The following PDE7B variants were observed in gnomAD, a reference collection of about 807,000 sequenced individuals.
The protein encoded by PDE7B is 3',5'-cyclic-AMP phosphodiesterase 7B.
Under a neutral mutation model 56.2 loss-of-function variants are expected in PDE7B, and 29 were observed. The ratio of observed to expected loss-of-function variants is 0.52; its 90% CI spans 0.38 to 0.70. The LOEUF (loss-of-function observed/expected upper bound fraction) is 0.70. PDE7B is among the 30% of genes least tolerant of loss of function. PDE7B has a pLI of 0.00. For synonymous variants in PDE7B, 197 were observed against 196.9 expected, an observed-to-expected ratio of 1.00 and a Z score of 0.00; for missense variants, 490 against 565.0, an observed-to-expected ratio of 0.87 and a Z score of 1.35.
intron 2 of PDE7B, among the ~76,000 whole-genome samples, chr6:136,102,117 T>C (rs553244308): frequency 6.6e-6 from 1 of 152,272 alleles, no homozygotes; most frequent in South Asian, 2.1e-4. Flanking sequence ...TTATAAGCTC[T>C]CTGTGCTCCT....
chr6:136,018,876 A>G (rs1424437192), intron 2 of PDE7B, among the ~76,000 whole-genome samples: 2 of 152,054 alleles, frequency 1.3e-5, no homozygotes, highest in African/African-American at 4.8e-5. Flanking sequence ...CTGATCTCCT[A>G]AATATGGGCT....
intron 2 of PDE7B, among the ~76,000 whole-genome samples, chr6:136,026,498 C>T (rs1339568855): frequency 6.6e-6 from 1 of 152,188 alleles, no homozygotes; most frequent in Non-Finnish European, 1.5e-5. Context: ...TCTTCCTTTT[C>T]TTCAATTCAT....
At chr6:135,900,597 G>T (rs553370259) in intron 1 of PDE7B, among the ~76,000 whole-genome samples, 1 of 150,216 alleles carries the variant, frequency 6.7e-6, no homozygotes, top group Non-Finnish European at 1.5e-5. Flanking sequence ...TTTCTTTCAC[G>T]TCTTTCTGCT....
intron 1 of PDE7B, among the ~76,000 whole-genome samples, chr6:135,867,482 G>T (rs184134137): frequency 6.6e-6 from 1 of 152,016 alleles, no homozygotes; most frequent in Non-Finnish European, 1.5e-5. Flanking sequence ...TTGTTATGTA[G>T]GGAAACGTGT....
At chr6:136,014,333 AT>A (rs1775940580) in intron 2 of PDE7B, among the ~76,000 whole-genome samples, 1 of 152,192 alleles carries the variant, frequency 6.6e-6, no homozygotes, top group Non-Finnish European at 1.5e-5. Context: ...CTATGAAGAT[AT>A]TTTTTAACAA....
chr6:135,994,173 A>G (rs977675380), intron 2 of PDE7B, among the ~76,000 whole-genome samples: 46 of 147,538 alleles, frequency 3.1e-4, no homozygotes, highest in African/African-American at 1.1e-3. Context: ...TGTTTTATGT[A>G]TATTAAGAAG....
chr6:135,918,278 A>G (rs1286056079), intron 1 of PDE7B, among the ~76,000 whole-genome samples: 1 of 152,092 alleles, frequency 6.6e-6, no homozygotes, highest in Non-Finnish European at 1.5e-5. Context: ...TCTCCTAGGA[A>G]CCATAATTCT....
At chr6:136,100,783 G>T (rs901295426) in intron 2 of PDE7B, among the ~76,000 whole-genome samples, 2 of 152,120 alleles carry the variant, frequency 1.3e-5, no homozygotes, top group Non-Finnish European at 2.9e-5. Flanking sequence ...TGATTGCCCT[G>T]GCCAGAACTT....
intron 3 of PDE7B, among the ~76,000 whole-genome samples, chr6:136,115,905 A>G (rs1401388002): frequency 6.6e-6 from 1 of 152,176 alleles, no homozygotes; most frequent in Admixed American, 6.5e-5. Context: ...TTTTAAGTCA[A>G]CAAGGACCGG....
At chr6:135,997,848 C>T (rs1045147055) in intron 2 of PDE7B, among the ~76,000 whole-genome samples, 4 of 152,236 alleles carry the variant, frequency 2.6e-5, no homozygotes, top group Non-Finnish European at 4.4e-5. Flanking sequence ...TATTAGCAAT[C>T]GCCAGTGGGT....
At chr6:136,155,478 T>A (rs867945985) in intron 7 of PDE7B, 149 bp from the exon 8 acceptor site, 21 of 655,078 alleles carry the variant, frequency 3.2e-5, no homozygotes, top group African/African-American at 2.7e-4. Context: ...CATGTGACTA[T>A]CACCTCATTT....
chr6:135,934,745 T>A (rs1369848281), intron 1 of PDE7B, among the ~76,000 whole-genome samples: 2 of 94,476 alleles, frequency 2.1e-5, no homozygotes, highest in African/African-American at 7.2e-5. Context: ...AAAAAATATA[T>A]ATATATATAT....
rs1775427191 is a variant in PDE7B at position 135,988,891 on chromosome 6, C to T, written c.82+41367C>T. ...TATTACCCAATAAATAGTTGGTAAG[C>T]TTGTTGCAAGGAAACTTAATCTCAA... is the stretch of plus-strand genomic sequence containing the variant. On this transcript the variant is annotated intron_variant, in intron 2 of 12. Coordinates refer to ENST00000308191, the MANE Select transcript of PDE7B (RefSeq NM_018945.4). Among the ~76,000 whole-genome samples the T allele has an allele frequency of 2.0e-5, 3 of 152,126 alleles. No individual in the cohort carries two copies. In the South Asian group the frequency reaches 6.2e-4, roughly 32 times the overall value.
At chr6:135,889,938 A>G (rs1019914000) in intron 1 of PDE7B, among the ~76,000 whole-genome samples, 2 of 148,930 alleles carry the variant, frequency 1.3e-5, no homozygotes, top group Non-Finnish European at 3.0e-5. Flanking sequence ...TTTTTAGTAG[A>G]GACGGGGTTT....
At chr6:136,151,044 G>GT in intron 5 of PDE7B, 116 bp from the exon 6 acceptor site, 1 of 573,710 alleles carries the variant, frequency 1.7e-6, no homozygotes, top group South Asian at 2.3e-5. Flanking sequence ...CACTTCTAAA[G>GT]GGGAAAAAAT....
chr6:135,869,654 G>A (rs898015394), intron 1 of PDE7B, among the ~76,000 whole-genome samples: 5 of 152,152 alleles, frequency 3.3e-5, no homozygotes, highest in African/African-American at 1.2e-4. Flanking sequence ...CTAAATCTAC[G>A]AAGAAAGTAA....
chr6:135,917,852 A>G (rs1414066829), intron 1 of PDE7B, among the ~76,000 whole-genome samples: 1 of 152,044 alleles, frequency 6.6e-6, no homozygotes, highest in Non-Finnish European at 1.5e-5. Flanking sequence ...CCTCCCTCTT[A>G]AAGTATGGTG....
chr6:136,167,414 A>G (rs914394706), intron 8 of PDE7B, among the ~76,000 whole-genome samples: 1 of 151,988 alleles, frequency 6.6e-6, no homozygotes. Context: ...CCTTCTTGTG[A>G]TAATAAGTCT....
At chr6:136,111,165 C>A (rs1777740707) in intron 3 of PDE7B, 1 of 151,938 alleles carries the variant, frequency 6.6e-6, no homozygotes, top group South Asian at 2.1e-4. Context: ...TAGGTGGTCT[C>A]CAGTTTTTTT....
Sources: gnomAD v4.1 joint callset for allele counts (sites outside exome capture counted in the v4.1 genomes callset) on GRCh38, gnomAD v4.1.1 for gene constraint, MANE v1.5 for transcripts, NCBI Gene and HGNC (gene_info 2026-07-23, HGNC 2026-07-21) for gene names.